Variants in FGD4 observed in about 807,000 individuals in gnomAD.
FGD4 encodes the protein FYVE, RhoGEF and PH domain-containing protein 4.
Under a neutral mutation model 102.0 loss-of-function variants are expected in FGD4, and 42 were observed. The ratio of observed to expected loss-of-function variants is 0.41; its 90% CI spans 0.32 to 0.53. FGD4 has a LOEUF of 0.53. Ranked by LOEUF, FGD4 falls within the 20% of genes least tolerant of loss-of-function variation. FGD4 has a pLI of 0.21. For synonymous variants in FGD4, 380 were observed against 375.7 expected (o/e 1.01, Z -0.13); for missense variants, 902 against 1,078.2 (o/e 0.84, Z 2.29).
chr12:32,410,220 C>A (rs560058037), intron 1 of FGD4, among the ~76,000 whole-genome samples: 18 of 151,716 alleles, frequency 1.2e-4, no homozygotes, highest in Non-Finnish European at 2.6e-4. Context: ...CCCAGCTACT[C>A]GGGAGGCTGA....
intron 1 of FGD4, among the ~76,000 whole-genome samples, chr12:32,541,366 T>G (rs1238034202): frequency 1.3e-5 from 2 of 151,984 alleles, no homozygotes; most frequent in Non-Finnish European, 2.9e-5. Flanking sequence ...TAAAATGGGG[T>G]TTATAGTAAT....
chr12:32,631,689 A>G (rs1950511841), intron 14 of FGD4, among the ~76,000 whole-genome samples: 1 of 151,880 alleles, frequency 6.6e-6, no homozygotes, highest in Non-Finnish European at 1.5e-5. Context: ...TATTTTTAGT[A>G]GAGACGGGGT....
chr12:32,644,691 T>TGAA lies in FGD4; in HGVS notation c.*4158_*4159insGAA. 1 of 152,262 alleles carries TGAA rather than the reference T, an allele frequency of 6.6e-6. No individual in the cohort carries two copies. The highest frequency in any genetic ancestry group is 1.9e-4 in the East Asian group (1 of 5,176). The allele number at this position is 152,262 out of a possible 1,614,324, so 9.4% of individuals were successfully genotyped here. A position where few individuals can be genotyped will look rare whatever the true frequency, so the allele number is the denominator to read the frequency against. ...GGTCTCCAGACCACAGCAATGTGTTTTAAGATAAGATGAAATATTTTAACT... is the reference window on the plus strand; with the variant it reads ...GGTCTCCAGACCACAGCAATGTGTTTGAATAAGATAAGATGAAATATTTTAACT... On this transcript the variant is annotated 3_prime_UTR_variant, in exon 17 of 17. Coordinates refer to ENST00000534526, the MANE Select transcript of FGD4 (RefSeq NM_001370298.3).
rs763752961 is a variant in FGD4, at chr12:32,478,332, G to A, written c.166+78373G>A. 3.3e-5 allele frequency among the ~76,000 whole-genome samples: 5 copies of A among 152,004 alleles called. No homozygotes were observed. The South Asian group carries it at 6.2e-4, about 19-fold the overall frequency. ...GGCTGAAGTGGAGTGCCACGATCTC[G>A]GCTTTCACTGCAGCCTCCGTCTCCC... is the stretch of plus-strand genomic sequence containing the variant. On this transcript the variant is annotated intron_variant, in intron 1 of 16. Coordinates refer to ENST00000534526, the MANE Select transcript of FGD4 (RefSeq NM_001370298.3).
intron 1 of FGD4, among the ~76,000 whole-genome samples, chr12:32,552,126 G>T (rs748692009): frequency 1.3e-5 from 2 of 152,304 alleles, no homozygotes; most frequent in Middle Eastern, 6.8e-3. Context: ...ATTGCCTTTT[G>T]TAAGCAGGCA....
At chr12:32,553,965 G>A (rs1271668584) in intron 1 of FGD4, among the ~76,000 whole-genome samples, 1 of 152,144 alleles carries the variant, frequency 6.6e-6, no homozygotes, top group African/African-American at 2.4e-5. Context: ...GGTGGTGCAT[G>A]CCTGTAGTCA....
At chr12:32,602,755 A>G (rs1307067470) in intron 7 of FGD4, among the ~76,000 whole-genome samples, 1 of 152,222 alleles carries the variant, frequency 6.6e-6, no homozygotes, top group Non-Finnish European at 1.5e-5. Context: ...ACATACTTTA[A>G]TAATACCATA....
At chr12:32,417,911 C>T (rs1245480833) in intron 1 of FGD4, among the ~76,000 whole-genome samples, 1 of 117,032 alleles carries the variant, frequency 8.5e-6, no homozygotes, top group African/African-American at 3.8e-5. Context: ...TGAAAGGTCA[C>T]ATATCTCTGT....
At chr12:32,426,267 G>C (rs549380661) in intron 1 of FGD4, among the ~76,000 whole-genome samples, 9 of 152,108 alleles carry the variant, frequency 5.9e-5, no homozygotes, top group Non-Finnish European at 1.2e-4. Flanking sequence ...AGAGTTTTTA[G>C]CATAAAGGGG....
intron 1 of FGD4, among the ~76,000 whole-genome samples, chr12:32,494,410 G>T (rs112858500): frequency 1.3e-5 from 2 of 152,072 alleles, no homozygotes; most frequent in African/African-American, 4.8e-5. Flanking sequence ...ACCTCCAGCC[G>T]TATAATCAGT....
At chr12:32,611,472 C>A (rs532087212) in intron 10 of FGD4, among the ~76,000 whole-genome samples, 189 bp downstream of exon 10, 4 of 152,124 alleles carry the variant, frequency 2.6e-5, no homozygotes, top group Middle Eastern at 3.4e-3. Flanking sequence ...TGCCTGTAAT[C>A]CCAACTACTC....
At chr12:32,413,377 G>A (rs548427604) in intron 1 of FGD4, among the ~76,000 whole-genome samples, 10 of 152,186 alleles carry the variant, frequency 6.6e-5, no homozygotes, top group East Asian at 3.9e-4. Flanking sequence ...TAACATTTAC[G>A]TGCTGTGTAA....
Position 32,552,412 on chromosome 12 carries a change from G to T in FGD4, c.167-11725G>T, listed in dbSNP as rs568524034. Among the ~76,000 whole-genome samples the T allele has an allele frequency of 1.4e-3, 209 of 146,392 alleles. 1 individual carries two copies. Among genetic ancestry groups the T allele is most frequent in the African/African-American group, 4.9e-3 (197 of 40,008 alleles). On this transcript the variant is annotated intron_variant, in intron 1 of 16. Transcript: ENST00000534526. Reference sequence around the variant, plus strand: ...GTAGCTGGGATTACAGGCGCCCGCCGCCATGCCCGACTAATTTTTGCATTT... The same window carrying T: ...GTAGCTGGGATTACAGGCGCCCGCCTCCATGCCCGACTAATTTTTGCATTT...
chr12:32,499,731 C>T (rs1938046120), intron 1 of FGD4, among the ~76,000 whole-genome samples: 1 of 152,204 alleles, frequency 6.6e-6, no homozygotes, highest in Non-Finnish European at 1.5e-5. Flanking sequence ...AGAATCTCTT[C>T]TCTGCCGGGC....
chr12:32,428,548 T>C (rs1941930338), intron 1 of FGD4, among the ~76,000 whole-genome samples: 1 of 152,088 alleles, frequency 6.6e-6, no homozygotes, highest in Admixed American at 6.5e-5. Flanking sequence ...TGTCTTGGGG[T>C]CGCTCTTCTC....
At chr12:32,455,090 GCAGCCAAGAAGA>G (rs527691609) in intron 1 of FGD4, among the ~76,000 whole-genome samples, 1 of 152,230 alleles carries the variant, frequency 6.6e-6, no homozygotes, top group South Asian at 2.1e-4. Context: ...GAAGCAGCAG[GCAGCCAAGAAGA>G]AACGAGGAAG....
At chr12:32,584,890 C>T (rs1946878320) in intron 4 of FGD4, among the ~76,000 whole-genome samples, 2 of 151,868 alleles carry the variant, frequency 1.3e-5, no homozygotes, top group South Asian at 4.2e-4. Flanking sequence ...CCCAAATGCC[C>T]ATAGGAGTGG....
chr12:32,591,844 C>A (rs1222056537), intron 4 of FGD4, among the ~76,000 whole-genome samples: 1 of 152,188 alleles, frequency 6.6e-6, no homozygotes, highest in East Asian at 1.9e-4. Flanking sequence ...AGGAGCAGAT[C>A]TCTCCCAAAG....
At chr12:32,453,220 AATATAGATATATATATATTTT>A in intron 1 of FGD4, among the ~76,000 whole-genome samples, 1 of 52,780 alleles carries the variant, frequency 1.9e-5, no homozygotes, top group Non-Finnish European at 3.7e-5. Context: ...ATATATATAT[AATATAGATATATATATATTTT>A]TTTTTTTTTA....
Sources: gnomAD v4.1 joint callset for allele counts (sites outside exome capture counted in the v4.1 genomes callset) on GRCh38, gnomAD v4.1.1 for gene constraint, MANE v1.5 for transcripts, NCBI Gene and HGNC (gene_info 2026-07-23, HGNC 2026-07-21) for gene names.